CCDC144A: variants seen among roughly 807,000 people sequenced by gnomAD.
CCDC144A encodes coiled-coil domain-containing protein 144A.
CCDC144A carries 41 observed loss-of-function variants against 143.8 expected under a neutral mutation model. The observed-to-expected ratio is 0.29, with a 90% CI of 0.22 to 0.37. The LOEUF (loss-of-function observed/expected upper bound fraction) is 0.37. Ranked by LOEUF, CCDC144A falls within the 10% of genes least tolerant of loss-of-function variation. The pLI is 1.00. For synonymous variants in CCDC144A, 242 were observed against 517.9 expected, an observed-to-expected ratio of 0.47 and a Z score of 7.23; for missense variants, 637 against 1,488.8, an observed-to-expected ratio of 0.43 and a Z score of 9.41.
upstream of CCDC144A, among the ~76,000 whole-genome samples, chr17:16,688,220 C>A (rs531187727): frequency 2.1e-3 from 313 of 152,022 alleles, 2 homozygotes; most frequent in African/African-American, 7.3e-3. Flanking sequence ...GCTGCTCTTG[C>A]GGGTGGTGCT....
At chr17:16,712,123 T>TC (rs1647014826) in intron 6 of CCDC144A, 1 of 236,248 alleles carries the variant, frequency 4.2e-6, no homozygotes, top group African/African-American at 2.3e-5. Context: ...AGAGTAAAAC[T>TC]CCATTTCAAA....
intron 12 of CCDC144A, among the ~76,000 whole-genome samples, chr17:16,753,291 G>A (rs1914885641): frequency 1.3e-5 from 2 of 151,676 alleles, no homozygotes; most frequent in African/African-American, 2.4e-5. Flanking sequence ...ATCAAAATTG[G>A]TATTTAATAG....
chr17:16,674,395 A>G, the CCDC144A span, among the ~76,000 whole-genome samples: 4 of 152,036 alleles, frequency 2.6e-5, no homozygotes, highest in African/African-American at 2.4e-5. Context: ...TAAATATTTA[A>G]TTTTTCACTT....
intron 2 of CCDC144A, among the ~76,000 whole-genome samples, chr17:16,693,489 G>A (rs1170882043): frequency 6.6e-6 from 1 of 151,882 alleles, no homozygotes; most frequent in Non-Finnish European, 1.5e-5. Flanking sequence ...CTAATTTTTT[G>A]TATTTTTAGT....
chr17:16,748,903 G>A (rs1483554061), intron 12 of CCDC144A, among the ~76,000 whole-genome samples: 1 of 152,044 alleles, frequency 6.6e-6, no homozygotes, highest in Non-Finnish European at 1.5e-5. Flanking sequence ...AGGATCTTTT[G>A]TATTACTGTG....
In CCDC144A at chr17:16,775,366, C is replaced by A. The variant is rs1343731520; in HGVS notation, c.*1733C>A. The A allele has an allele frequency of 6.6e-6, 1 of 152,100 alleles. No individual in the cohort carries two copies. Among genetic ancestry groups the A allele is most frequent in the Non-Finnish European group, 1.5e-5 (1 of 68,024 alleles). The allele number at this position is 152,100 out of a possible 1,614,324, so 9.4% of individuals were successfully genotyped here. On this transcript the variant is annotated 3_prime_UTR_variant, in exon 17 of 17. Transcript: ENST00000399273. ...CATTCCTGTTTCTCCATAATCTTGC[C>A]AGCATCTTTTCATTTTTTTGAATTA...
chr17:16,680,044 G>A, the CCDC144A span, among the ~76,000 whole-genome samples: 1 of 151,746 alleles, frequency 6.6e-6, no homozygotes, highest in Admixed American at 6.6e-5. Flanking sequence ...AAAAATACAG[G>A]CTCTGGGTTT....
In CCDC144A at chr17:16,768,796, A is replaced by T. The variant is rs1395926044; in HGVS notation, c.4099-3181A>T. On this transcript the variant is annotated intron_variant, in intron 15 of 16. Coordinates refer to ENST00000399273, the MANE Select transcript of CCDC144A (RefSeq NM_001382000.1). ...TACTGATTTCACTATATTTCTTTAA[A>T]AAAATTTTCTAACTACTCCCCTCTT... is the stretch of plus-strand genomic sequence containing the variant. Among the ~76,000 whole-genome samples the T allele has an allele frequency of 2.0e-5, 3 of 151,522 alleles. No homozygotes were observed. In the East Asian group the frequency reaches 5.8e-4, roughly 29 times the overall value.
chr17:16,754,651 G>GTC (rs1382393344), intron 12 of CCDC144A, among the ~76,000 whole-genome samples: 1 of 152,210 alleles, frequency 6.6e-6, no homozygotes, highest in Non-Finnish European at 1.5e-5. Flanking sequence ...TCAATATATG[G>GTC]TCTATTCTGG....
intron 12 of CCDC144A, among the ~76,000 whole-genome samples, chr17:16,753,960 T>A (rs1265719674): frequency 1.3e-5 from 2 of 152,246 alleles, no homozygotes; most frequent in African/African-American, 4.8e-5. Context: ...ACTTACCCAG[T>A]TTTAGACCTT....
chr17:16,674,797 A>T, the CCDC144A span, among the ~76,000 whole-genome samples: 1 of 152,140 alleles, frequency 6.6e-6, no homozygotes, highest in African/African-American at 2.4e-5. Flanking sequence ...GTCAAGTAGG[A>T]TGTGTTATAC....
chr17:16,682,905 T>TG, the CCDC144A span, among the ~76,000 whole-genome samples: 6 of 124,314 alleles, frequency 4.8e-5, no homozygotes, highest in Admixed American at 1.7e-4. Context: ...TTTTTTTTTT[T>TG]TTTTTTTTTT....
At chr17:16,703,840 A>T (rs536638981) in intron 2 of CCDC144A, among the ~76,000 whole-genome samples, 9 of 152,148 alleles carry the variant, frequency 5.9e-5, no homozygotes, top group Non-Finnish European at 1.2e-4. Context: ...ACAAGCACGC[A>T]CAGCCATACA....
At chr17:16,688,695 A>G (rs1027949431), upstream of CCDC144A, among the ~76,000 whole-genome samples, 4 of 151,894 alleles carry the variant, frequency 2.6e-5, no homozygotes, top group Non-Finnish European at 5.9e-5. Context: ...TCACCATGTT[A>G]GCCAGGATGG....
At chr17:16,689,260 A>G (rs937922712), upstream of CCDC144A, among the ~76,000 whole-genome samples, 14 of 151,676 alleles carry the variant, frequency 9.2e-5, no homozygotes, top group African/African-American at 3.2e-4. Context: ...TGGTGGCACG[A>G]TATCAGCTCA....
intron 12 of CCDC144A, among the ~76,000 whole-genome samples, chr17:16,744,594 C>T (rs1236159822): frequency 1.3e-5 from 2 of 151,936 alleles, no homozygotes; most frequent in Non-Finnish European, 2.9e-5. Flanking sequence ...CTTATAGGTT[C>T]TGGATATTAG....
chr17:16,727,836 GA>G (rs1403267453), intron 9 of CCDC144A, 96 bp downstream of exon 9: 1 of 1,241,220 alleles, frequency 8.1e-7, no homozygotes, highest in East Asian at 2.8e-5. Context: ...TAATGGGGGA[GA>G]AACCTTTTTG....
In CCDC144A at chr17:16,753,428, G is replaced by GTT; in HGVS notation, c.3373-7970_3373-7969dup. ...CAATTTCTTTTGTCAGTGTTTTGTA[G>GTT]TTTTTTTTTTTTTTTTTTTTTTTTT... is the stretch of plus-strand genomic sequence containing the variant. On this transcript the variant is annotated intron_variant, in intron 12 of 16. Transcript: ENST00000399273. Among the ~76,000 whole-genome samples, 171 of 57,360 alleles carry GTT rather than the reference G, an allele frequency of 3.0e-3. 2 individuals are homozygous for GTT. The highest frequency in any genetic ancestry group is 3.8e-3 in the Non-Finnish European group (118 of 31,290). The allele number at this position is 57,360 out of a possible 152,430, so 37.6% of individuals were successfully genotyped here.
intron 2 of CCDC144A, among the ~76,000 whole-genome samples, chr17:16,698,141 A>G (rs997959202): frequency 3.3e-5 from 5 of 152,130 alleles, no homozygotes; most frequent in Non-Finnish European, 7.4e-5. Flanking sequence ...GAGCTTGTCC[A>G]TGATGGGAAA....
Sources: gnomAD v4.1 joint callset for allele counts (sites outside exome capture counted in the v4.1 genomes callset) on GRCh38, gnomAD v4.1.1 for gene constraint, MANE v1.5 for transcripts, NCBI Gene and HGNC (gene_info 2026-07-23, HGNC 2026-07-21) for gene names.